The following CDC14A variants were observed in gnomAD, a reference collection of about 807,000 sequenced individuals.
The protein encoded by CDC14A is cell division cycle 14A, also known as dual specificity protein phosphatase CDC14A.
Under a neutral mutation model 74.4 loss-of-function variants are expected in CDC14A, and 53 were observed. The observed-to-expected ratio is 0.71, with a 90% CI of 0.57 to 0.89. The LOEUF is 0.89. CDC14A is among the 40% of genes least tolerant of loss of function. The pLI is 0.00. For missense variants in CDC14A, 646 were observed against 713.7 expected, an observed-to-expected ratio of 0.91 and a Z score of 1.08; for synonymous variants, 247 against 258.4, an observed-to-expected ratio of 0.96 and a Z score of 0.43.
chr1:100,376,607 C>CA (rs1288902757), intron 2 of CDC14A, among the ~76,000 whole-genome samples: 16 of 152,138 alleles, frequency 1.1e-4, no homozygotes, highest in Non-Finnish European at 1.5e-4. Flanking sequence ...AGAAGACTGA[C>CA]ACTGGCTCTC....
chr1:100,383,077 A>G (rs1189828349), intron 3 of CDC14A, among the ~76,000 whole-genome samples: 1 of 152,202 alleles, frequency 6.6e-6, no homozygotes, highest in Non-Finnish European at 1.5e-5. Context: ...AAAGCAAGCT[A>G]CATTCTGGAG....
rs550192962 is a variant in CDC14A, at chr1:100,387,815, CGA to C, written c.217-2910_217-2909del. On this transcript the variant is annotated intron_variant, in intron 3 of 15. Coordinates refer to ENST00000336454, the MANE Select transcript of CDC14A (RefSeq NM_003672.4). The stretch of plus-strand genomic sequence containing the variant: ...TCTGTATTCTATATACTTTAGAATG[CGA>C]GAGAGAAAAAACGAAACCAAGTAAA... 3.7e-3 allele frequency among the ~76,000 whole-genome samples: 558 copies of C among 151,904 alleles called. 4 individuals are homozygous for C. Among genetic ancestry groups the C allele is most frequent in the Middle Eastern group, 0.017 (5 of 294 alleles).
chr1:100,401,582 G>A (rs1659261615), intron 4 of CDC14A, among the ~76,000 whole-genome samples: 1 of 152,114 alleles, frequency 6.6e-6, no homozygotes, highest in Admixed American at 6.5e-5. Context: ...ACAAACATTT[G>A]AAATTAATAT....
intron 3 of CDC14A, among the ~76,000 whole-genome samples, chr1:100,385,724 C>G (rs1171690067): frequency 6.6e-6 from 1 of 152,086 alleles, no homozygotes; most frequent in Non-Finnish European, 1.5e-5. Context: ...TAGCCTTGCC[C>G]AGGACCCCTA....
chr1:100,468,160 T>A, intron 10 of CDC14A, 66 bp downstream of exon 10: 1 of 1,575,856 alleles, frequency 6.3e-7, no homozygotes, highest in Non-Finnish European at 8.7e-7. Context: ...CTTGTTCCCC[T>A]GGTTGTGGAC....
intron 7 of CDC14A, among the ~76,000 whole-genome samples, chr1:100,445,937 T>C (rs942661330): frequency 6.6e-6 from 1 of 152,218 alleles, no homozygotes; most frequent in Non-Finnish European, 1.5e-5. Context: ...AATTTTTAGT[T>C]TCTTAATTTC....
At chr1:100,358,896 A>T (rs888894641) in intron 2 of CDC14A, among the ~76,000 whole-genome samples, 1 of 152,226 alleles carries the variant, frequency 6.6e-6, no homozygotes, top group Non-Finnish European at 1.5e-5. Flanking sequence ...GGTTAGAGGT[A>T]GGTCAGGAGA....
intron 2 of CDC14A, among the ~76,000 whole-genome samples, chr1:100,373,581 A>G (rs1181416951): frequency 6.6e-6 from 1 of 152,200 alleles, no homozygotes; most frequent in African/African-American, 2.4e-5. Flanking sequence ...AGCATGATAA[A>G]GTGAAGTGCA....
intron 3 of CDC14A, among the ~76,000 whole-genome samples, chr1:100,380,872 A>G (rs1353542350): frequency 6.6e-6 from 1 of 152,198 alleles, no homozygotes; most frequent in African/African-American, 2.4e-5. Context: ...TCTGACTGGG[A>G]TGCCCTTACC....
intron 15 of CDC14A, among the ~76,000 whole-genome samples, chr1:100,511,038 T>A (rs1271329501): frequency 1.3e-5 from 2 of 152,220 alleles, no homozygotes; most frequent in Non-Finnish European, 2.9e-5. Flanking sequence ...CCTTCCCTTT[T>A]AATTCCAAAG....
intron 3 of CDC14A, among the ~76,000 whole-genome samples, chr1:100,387,954 AAAAT>A (rs1657107738): frequency 6.6e-6 from 1 of 152,242 alleles, no homozygotes; most frequent in Non-Finnish European, 1.5e-5. Flanking sequence ...GTAGATTTGT[AAAAT>A]AAATACAGTT....
intron 3 of CDC14A, among the ~76,000 whole-genome samples, chr1:100,377,980 A>G (rs1557695692): frequency 6.6e-6 from 1 of 152,164 alleles, no homozygotes; most frequent in African/African-American, 2.4e-5. Flanking sequence ...TTTCCAAGTG[A>G]TGAACAGGGC....
At chr1:100,467,092 A>C (rs535768718) in intron 9 of CDC14A, among the ~76,000 whole-genome samples, 1 of 150,252 alleles carries the variant, frequency 6.7e-6, no homozygotes, top group Admixed American at 6.6e-5. Flanking sequence ...AATGTAAAAA[A>C]GGTTGAGGAA....
intron 6 of CDC14A, among the ~76,000 whole-genome samples, chr1:100,441,222 C>G (rs1425487336): frequency 6.6e-6 from 1 of 152,098 alleles, no homozygotes; most frequent in Non-Finnish European, 1.5e-5. Flanking sequence ...TGGCATCCTT[C>G]CTGTTGTAGA....
chr1:100,385,274 A>C lies in CDC14A; in HGVS notation c.217-5458A>C, dbSNP rs939503204. On this transcript the variant is annotated intron_variant, in intron 3 of 15. Coordinates refer to ENST00000336454, the MANE Select transcript of CDC14A (RefSeq NM_003672.4). ...CCATATCTTAGAGTAGTGGATTTCA[A>C]TGTGTGGTGTCTGGACCAACAGTGT... 6.6e-5 allele frequency among the ~76,000 whole-genome samples: 10 copies of C among 152,108 alleles called. No individual in the cohort carries two copies. In the East Asian group the frequency reaches 1.9e-3, roughly 29 times the overall value.
chr1:100,444,192 C>T (rs1296086409), intron 7 of CDC14A, among the ~76,000 whole-genome samples: 8 of 152,156 alleles, frequency 5.3e-5, no homozygotes, highest in African/African-American at 1.7e-4. Context: ...AGTGAGTATT[C>T]GGATCACTTC....
upstream of CDC14A, among the ~76,000 whole-genome samples, chr1:100,350,669 T>C (rs1384364363): frequency 6.6e-6 from 1 of 152,240 alleles, no homozygotes; most frequent in Non-Finnish European, 1.5e-5. Flanking sequence ...ATTAAAAGTT[T>C]ATGAACTGAA....
chr1:100,451,948 A>T (rs1412883730), intron 7 of CDC14A, among the ~76,000 whole-genome samples: 1 of 152,188 alleles, frequency 6.6e-6, no homozygotes. Context: ...TATGTTTGAC[A>T]CCAAGTTACA....
intron 4 of CDC14A, among the ~76,000 whole-genome samples, chr1:100,399,778 G>A (rs1343005782): frequency 2.6e-5 from 4 of 152,030 alleles, no homozygotes; most frequent in Admixed American, 6.6e-5. Flanking sequence ...TGAGGCTGGA[G>A]GATTGCTTGA....
Sources: gnomAD v4.1 joint callset for allele counts (sites outside exome capture counted in the v4.1 genomes callset) on GRCh38, gnomAD v4.1.1 for gene constraint, MANE v1.5 for transcripts, NCBI Gene and HGNC (gene_info 2026-07-23, HGNC 2026-07-21) for gene names.